Variants in RBM5 observed in about 807,000 individuals in gnomAD.
RBM5 encodes RNA-binding protein 5.
In RBM5, 15 loss-of-function variants were observed where a neutral mutation model predicts 124.6. That is an observed-to-expected ratio of 0.12 (90% CI 0.08 to 0.19). The LOEUF (loss-of-function observed/expected upper bound fraction) is 0.19. Among genes scored for constraint, RBM5 ranks in the 10% least tolerant of loss-of-function variants. The pLI, the probability that RBM5 is intolerant of heterozygous loss-of-function variation, is 1.00. For synonymous variants in RBM5, 337 were observed against 361.2 expected, an observed-to-expected ratio of 0.93 and a Z score of 0.76; for missense variants, 580 against 1,026.5, an observed-to-expected ratio of 0.57 and a Z score of 5.94.
In RBM5 at chr3:50,117,609, C is replaced by T. The variant is rs1388727396; in HGVS notation, c.2322+230C>T. ...CAGCCTGGGCAACACGGTGAAACCC[C>T]GTCTCTACTAAAATACAAAATATTA... On this transcript the variant is annotated intron_variant, in intron 24 of 24. Coordinates refer to ENST00000347869, the MANE Select transcript of RBM5 (RefSeq NM_005778.4). This position sits in a 1 kb window ranked among gnomAD's most constrained non-coding sequence, Gnocchi z 4.2. 2.2e-5 allele frequency: 10 copies of T among 454,824 alleles called. No individual in the cohort carries two copies. Among genetic ancestry groups the T allele is most frequent in the African/African-American group, 1.4e-4 (7 of 51,124 alleles). The allele number at this position is 454,824 out of a possible 1,614,324, so 28.2% of individuals were successfully genotyped here.
intron 11 of RBM5, 74 bp from the exon 12 acceptor site, chr3:50,107,408 C>A: frequency 1.7e-6 from 2 of 1,164,382 alleles, no homozygotes; most frequent in South Asian, 1.2e-5. Context: ...TGGAGTGAAT[C>A]AGTTGGTGGT....
chr3:50,103,370 G>C (rs901778509), intron 7 of RBM5, among the ~76,000 whole-genome samples: 1 of 152,204 alleles, frequency 6.6e-6, no homozygotes, highest in Non-Finnish European at 1.5e-5. Context: ...CGTTCTGCTG[G>C]GCATGGTGGC....
At chr3:50,092,561 CAAAAAAA>C (rs1156471002) in intron 3 of RBM5, among the ~76,000 whole-genome samples, 1 of 66,452 alleles carries the variant, frequency 1.5e-5, no homozygotes, top group African/African-American at 5.2e-5. Context: ...GACTCCATCT[CAAAAAAA>C]AAAAAAAAAG....
rs199934210 is a variant in RBM5 at position 50,113,454 on chromosome 3, A to G, written c.1527A>G (p.Ala509=). 21 of 1,614,102 alleles carry G rather than the reference A, an allele frequency of 1.3e-5. No individual in the cohort carries two copies. The African/African-American group carries it at 2.5e-4, about 19-fold the overall frequency. ...DGEKETYVPA[A]ESSSHQQSGL... is the part of the protein sequence containing the mutation. ...AAAAAGAGACCTACGTGCCAGCTGC[A>G]GAGTCTAGCTCCCACCAGCAGTCGG... Residue 509 remains alanine (A), a synonymous_variant, in exon 18 of 25, where the codon GCA becomes GCG. Transcript: ENST00000347869.
At chr3:50,109,948 C>A in intron 15 of RBM5, 2 of 347,068 alleles carry the variant, frequency 5.8e-6, no homozygotes, top group Non-Finnish European at 1.1e-5. Flanking sequence ...TGTGGTGGCT[C>A]GCGCCTGTAA....
At chr3:50,109,735 T>G (rs757376759) in intron 15 of RBM5, 47 bp downstream of exon 15, 8 of 1,515,586 alleles carry the variant, frequency 5.3e-6, no homozygotes, top group Middle Eastern at 1.7e-4. Context: ...ATGGGGAAAT[T>G]TTGTTTTGCT....
In RBM5 at chr3:50,110,745, G is replaced by A; in HGVS notation, c.1430G>A (p.Gly477Glu). 2.5e-6 allele frequency: 4 copies of A among 1,612,922 alleles called. No homozygotes were observed. The highest frequency in any genetic ancestry group is 3.4e-6 in the Non-Finnish European group (4 of 1,179,186). The change falls in exon 17 of 25, where the codon GGG becomes GAG. Residue 477 changes from glycine (G) to glutamate (E), a missense_variant. Physicochemically the swap from Gly to Glu is moderately conservative, Grantham distance 98 (BLOSUM62 -2). This residue lies in a region of RBM5 where 234 missense variants were observed against 435.1 expected (regional missense o/e 0.54). Transcript: ENST00000347869. ...GGATATTACTATGATCCGACAACAG[G>A]GCTCTATTATGACCCCAACTCGCAA... ...SSGYYYDPTT[G>E]LYYDPNSQYY...
chr3:50,111,396 T>A (rs919026378), intron 17 of RBM5, among the ~76,000 whole-genome samples: 5 of 152,102 alleles, frequency 3.3e-5, no homozygotes, highest in African/African-American at 7.2e-5. Context: ...ACTAATCTAC[T>A]CTCTGTCTCT....
chr3:50,098,096 C>CA (rs917004735), intron 4 of RBM5, among the ~76,000 whole-genome samples: 3 of 151,962 alleles, frequency 2.0e-5, no homozygotes, highest in Admixed American at 6.6e-5. Context: ...GACTCCATCT[C>CA]AAAAAAATTT....
At chr3:50,095,789 G>A (rs921751917) in intron 4 of RBM5, among the ~76,000 whole-genome samples, 1 of 152,028 alleles carries the variant, frequency 6.6e-6, no homozygotes, top group African/African-American at 2.4e-5. Context: ...GTGTGAACTA[G>A]TCACCTCTGT....
At position 50,109,671 on chromosome 3, in the gene RBM5, A is replaced by G. The variant is rs2091106462; in HGVS notation, c.1261A>G (p.Asn421Asp). The G allele has an allele frequency of 1.2e-6, 2 of 1,613,630 alleles. No homozygotes were observed. The highest frequency in any genetic ancestry group is 1.7e-6 in the Non-Finnish European group (2 of 1,179,590). ...QSPQLYNQTS[N>D]PPGSPTEEAQ... ...TCCTCAGCTGTATAATCAAACCTCC[A>G]ATCCACCTGGCTCTCCGGTAATCCT... Residue 421 changes from asparagine (N) to aspartate (D), a missense_variant, in exon 15 of 25, where the codon AAT (asparagine) becomes GAT (aspartate). Coordinates refer to ENST00000347869, the MANE Select transcript of RBM5 (RefSeq NM_005778.4).
intron 3 of RBM5, 31 bp from the exon 4 acceptor site, chr3:50,093,689 G>A (rs1353262277): frequency 8.1e-6 from 13 of 1,605,518 alleles, no homozygotes; most frequent in Non-Finnish European, 1.1e-5. Flanking sequence ...ACAGGGTGAT[G>A]TTAATTGTGA....
chr3:50,098,789 A>C (rs1365163104), intron 4 of RBM5, among the ~76,000 whole-genome samples: 1 of 152,086 alleles, frequency 6.6e-6, no homozygotes, highest in Non-Finnish European at 1.5e-5. Flanking sequence ...TGTGTTCCCC[A>C]GGCTGGTCTC....
chr3:50,118,374 G>A lies in RBM5; in HGVS notation c.2366G>A (p.Ser789Asn). 6.2e-7 allele frequency: 1 copy of A among 1,614,186 alleles called. No individual in the cohort carries two copies. Among genetic ancestry groups the A allele is most frequent in the Non-Finnish European group, 8.5e-7 (1 of 1,180,042 alleles). ...GGAGCTGGCCTAGGAGCCAAAGGCA[G>A]CGCATATGGTTTGTCGGGCGCCGAT... ...LKGAGLGAKGSAYGLSGADSY... is the reference protein window; with the variant it reads ...LKGAGLGAKGNAYGLSGADSY... Residue 789 changes from serine to asparagine, a missense_variant, in exon 25 of 25, where the codon AGC (serine) becomes AAC (asparagine). Transcript: ENST00000347869.
chr3:50,101,600 C>T (rs771715231), intron 6 of RBM5: 1 of 152,170 alleles, frequency 6.6e-6, no homozygotes, highest in Non-Finnish European at 1.5e-5. Context: ...ACCATAGATA[C>T]CATCCTAGTA....
chr3:50,100,401 A>G lies in RBM5; in HGVS notation c.410-131A>G. The G allele has an allele frequency of 2.7e-6, 2 of 750,502 alleles. No individual in the cohort carries two copies. Among genetic ancestry groups the G allele is most frequent in the Non-Finnish European group, 4.4e-6 (2 of 454,466 alleles). 46.5% of individuals were successfully genotyped at this position (750,502 alleles called of 1,614,324 possible). On this transcript the variant is annotated intron_variant, in intron 5 of 24. Coordinates refer to ENST00000347869, the MANE Select transcript of RBM5 (RefSeq NM_005778.4). The surrounding 1 kb of genome is among the most constrained non-coding windows in gnomAD (Gnocchi z 5.1). ...AAAGTATCAAGAAGATCCCCAAGTC[A>G]AGTCACATTTGTAAAGCTGCTTCCC...
At chr3:50,099,920 A>G (rs111484530) in intron 4 of RBM5, 62 bp from the exon 5 acceptor site, 96 of 1,462,284 alleles carry the variant, frequency 6.6e-5, no homozygotes, top group African/African-American at 1.1e-4. Flanking sequence ...TGTAATTCCT[A>G]TTCCATGGGG....
At chr3:50,095,854 A>G (rs2090802749) in intron 4 of RBM5, among the ~76,000 whole-genome samples, 1 of 152,060 alleles carries the variant, frequency 6.6e-6, no homozygotes, top group Admixed American at 6.6e-5. Flanking sequence ...GGTAAAAATG[A>G]ATGTGAGGTT....
chr3:50,096,887 G>A (rs932741503), intron 4 of RBM5, among the ~76,000 whole-genome samples: 2 of 151,938 alleles, frequency 1.3e-5, no homozygotes, highest in South Asian at 4.1e-4. Context: ...GATTATAGGC[G>A]TGGAAAACTA....
Sources: gnomAD v4.1 joint callset for allele counts (sites outside exome capture counted in the v4.1 genomes callset) on GRCh38, gnomAD v4.1.1 for gene constraint, gnomAD v4.1.1 regional missense constraint, Gnocchi (gnomAD v3.1) non-coding constraint, MANE v1.5 for transcripts, NCBI Gene and HGNC (gene_info 2026-07-23, HGNC 2026-07-21) for gene names.